Variants in LYRM4 observed in about 807,000 individuals in gnomAD.
LYRM4 encodes LYR motif containing 4.
In LYRM4, 9 loss-of-function variants were observed where a neutral mutation model predicts 11.7. The ratio of observed to expected loss-of-function variants is 0.77; its 90% CI spans 0.46 to 1.34. The LOEUF (loss-of-function observed/expected upper bound fraction) is 1.34. Among genes scored for constraint, LYRM4 ranks in the 40% most tolerant of loss-of-function variants. The probability of loss-of-function intolerance (pLI) is 0.00; values close to 1 mark genes in which losing one functional copy is unlikely to be tolerated. For missense variants in LYRM4, 133 were observed against 112.5 expected (o/e 1.18, Z -0.82); for synonymous variants, 42 against 40.4 (o/e 1.04, Z -0.15).
intron 2 of LYRM4, among the ~76,000 whole-genome samples, chr6:5,194,418 C>T (rs1431675886): frequency 1.3e-5 from 2 of 152,078 alleles, no homozygotes; most frequent in Non-Finnish European, 2.9e-5. Context: ...TAATGAGCAC[C>T]AGCTTTACTG....
At chr6:5,099,596 T>C (rs2127587659), downstream of LYRM4, among the ~76,000 whole-genome samples, 1 of 152,306 alleles carries the variant, frequency 6.6e-6, no homozygotes, top group South Asian at 2.1e-4. This position sits in a 1 kb window ranked among gnomAD's most constrained non-coding sequence, Gnocchi z 4.3. Context: ...TCTGTCTCTA[T>C]GATCTTCATA....
At chr6:5,092,643 G>A in the LYRM4 span, among the ~76,000 whole-genome samples, 50 of 152,086 alleles carry the variant, frequency 3.3e-4, 1 homozygote, top group Admixed American at 3.1e-3. Context: ...CCTTGAACCC[G>A]GGAAGCAGAG....
At chr6:5,260,617 C>A (rs1765012849) in intron 1 of LYRM4, 31 bp downstream of exon 1, 1 of 1,491,602 alleles carries the variant, frequency 6.7e-7, no homozygotes, top group Non-Finnish European at 8.9e-7. Context: ...CCTGGCCCCC[C>A]GCCCCCGGCC....
At chr6:5,214,411 A>G (rs1762151954) in intron 2 of LYRM4, among the ~76,000 whole-genome samples, 1 of 152,142 alleles carries the variant, frequency 6.6e-6, no homozygotes, top group Non-Finnish European at 1.5e-5. Flanking sequence ...AGAGGAGTGC[A>G]ATGGAGGGCC....
At chr6:5,128,330 C>T (rs1763789194) in intron 2 of LYRM4, among the ~76,000 whole-genome samples, 1 of 152,200 alleles carries the variant, frequency 6.6e-6, no homozygotes, top group Admixed American at 6.5e-5. Flanking sequence ...ACCCTGCTCC[C>T]AGCTGTACAC....
At chr6:5,111,668 T>C (rs12204490) in intron 2 of LYRM4, among the ~76,000 whole-genome samples, 27,386 of 152,194 alleles carry the variant, frequency 0.18, 2,684 homozygotes, top group African/African-American at 0.24. Context: ...CCGCGTGGTC[T>C]CTGAATGACC....
the LYRM4 span, among the ~76,000 whole-genome samples, chr6:5,079,509 G>A: frequency 6.6e-6 from 1 of 152,158 alleles, no homozygotes; most frequent in Non-Finnish European, 1.5e-5. Flanking sequence ...CATATTTTGG[G>A]GTCACGTGTT....
intron 2 of LYRM4, among the ~76,000 whole-genome samples, chr6:5,214,572 A>AGTAGG (rs1241076311): frequency 6.6e-6 from 1 of 152,144 alleles, no homozygotes; most frequent in Non-Finnish European, 1.5e-5. Context: ...TGTGGGGTGG[A>AGTAGG]GTAGGGGCAG....
chr6:5,245,105 AAAAAAAAAATATATATATAT>A (rs1351752658), intron 1 of LYRM4, among the ~76,000 whole-genome samples: 9 of 56,788 alleles, frequency 1.6e-4, no homozygotes, highest in South Asian at 1.4e-3. Context: ...AAAAAAAAAA[AAAAAAAAAATATATATATAT>A]ATATATATAT....
At chr6:5,260,537 G>A (rs1177805382) in intron 1 of LYRM4, 111 bp downstream of exon 1, 10 of 1,416,194 alleles carry the variant, frequency 7.1e-6, no homozygotes, top group Non-Finnish European at 8.6e-6. Context: ...CCTCGCAGCC[G>A]CCGGCAAACC....
the LYRM4 span, among the ~76,000 whole-genome samples, chr6:5,041,220 ATAGTT>A: frequency 2.2e-4 from 5 of 23,002 alleles, no homozygotes; most frequent in South Asian, 0.012. Flanking sequence ...TGACAAACTT[ATAGTT>A]AAAAGCTCAA....
the LYRM4 span, among the ~76,000 whole-genome samples, chr6:5,040,444 G>A: frequency 6.6e-6 from 1 of 150,910 alleles, no homozygotes; most frequent in Non-Finnish European, 1.5e-5. Context: ...GCTCATGCCT[G>A]TAATCTCAGC....
chr6:5,214,253 G>A (rs1452332125), intron 2 of LYRM4, among the ~76,000 whole-genome samples: 2 of 152,230 alleles, frequency 1.3e-5, no homozygotes, highest in African/African-American at 4.8e-5. Context: ...GGTCCCAGGG[G>A]GGCCCCTATG....
the LYRM4 span, chr6:5,086,341 C>G: frequency 6.5e-7 from 1 of 1,535,890 alleles, no homozygotes; most frequent in Admixed American, 2.0e-5. Flanking sequence ...GGCCTCCGAG[C>G]CAGGGTCCGG....
intron 2 of LYRM4, among the ~76,000 whole-genome samples, chr6:5,142,132 TTC>T (rs1207660895): frequency 6.6e-6 from 1 of 152,158 alleles, no homozygotes; most frequent in African/African-American, 2.4e-5. Context: ...GGGGTTTGTG[TTC>T]TCTCTATGTG....
At chr6:5,150,561 C>T (rs1042330585) in intron 2 of LYRM4, among the ~76,000 whole-genome samples, 1 of 152,204 alleles carries the variant, frequency 6.6e-6, no homozygotes, top group Non-Finnish European at 1.5e-5. Flanking sequence ...TAGGCCCTCA[C>T]TAATTGTTAG....
the LYRM4 span, among the ~76,000 whole-genome samples, chr6:5,069,284 C>T: frequency 7.2e-5 from 11 of 151,796 alleles, no homozygotes; most frequent in African/African-American, 1.9e-4. Flanking sequence ...TCTACTAATA[C>T]GTACTCTATT....
chr6:5,086,473 T>C, the LYRM4 span: 54 of 1,537,080 alleles, frequency 3.5e-5, no homozygotes, highest in Non-Finnish European at 4.5e-5. Context: ...CTTCGCTGTC[T>C]GCTACCGCTG....
At chr6:5,227,859 T>C (rs2773290) in intron 1 of LYRM4, among the ~76,000 whole-genome samples, 57,964 of 151,920 alleles carry the variant, frequency 0.38, 13,011 homozygotes, top group African/African-American at 0.64. Flanking sequence ...TGGAAACCAT[T>C]ATCCTCAGCA....
Sources: allele counts gnomAD v4.1 joint callset (sites outside exome capture counted in the v4.1 genomes callset), GRCh38; gene constraint gnomAD v4.1.1; non-coding constraint Gnocchi (gnomAD v3.1); transcripts MANE v1.5; gene names NCBI Gene and HGNC (gene_info 2026-07-23, HGNC 2026-07-21).